Variants in CFAP61 observed in about 807,000 individuals in gnomAD.
CFAP61 encodes cilia- and flagella-associated protein 61.
A neutral mutation model predicts 135.6 loss-of-function variants in CFAP61; 107 were observed. The observed-to-expected ratio is 0.79, with a 90% CI of 0.67 to 0.93. The LOEUF (loss-of-function observed/expected upper bound fraction) is 0.93, where lower values mean the gene tolerates loss of function less well. Among genes scored for constraint, CFAP61 ranks in the 40% least tolerant of loss-of-function variants. CFAP61 has a pLI of 0.00. For missense variants in CFAP61, 1,507 were observed against 1,556.2 expected (o/e 0.97, Z 0.53); for synonymous variants, 575 against 578.5 (o/e 0.99, Z 0.09).
At chr20:20,183,868 G>A (rs2055301420) in intron 13 of CFAP61, among the ~76,000 whole-genome samples, 1 of 152,148 alleles carries the variant, frequency 6.6e-6, no homozygotes, top group East Asian at 1.9e-4. Context: ...CAAACATACA[G>A]CCATAGCCCG....
chr20:20,293,146 C>T (rs980735952), intron 24 of CFAP61, among the ~76,000 whole-genome samples: 3 of 152,212 alleles, frequency 2.0e-5, no homozygotes, highest in African/African-American at 7.2e-5. Flanking sequence ...ACATATTGGA[C>T]TTGGTTTCAG....
intron 8 of CFAP61, among the ~76,000 whole-genome samples, chr20:20,140,127 A>ATT (rs2051254164): frequency 4.3e-5 from 3 of 69,180 alleles, no homozygotes; most frequent in Non-Finnish European, 6.6e-5. Flanking sequence ...GGGTGCTGGA[A>ATT]ATTTTTTTTT....
At chr20:20,303,275 C>T (rs1256165030) in intron 25 of CFAP61, among the ~76,000 whole-genome samples, 1 of 152,108 alleles carries the variant, frequency 6.6e-6, no homozygotes, top group Non-Finnish European at 1.5e-5. Context: ...GAAACAGACT[C>T]GGTGAGTTTG....
chr20:20,287,664 G>A (rs1288273532), intron 22 of CFAP61, among the ~76,000 whole-genome samples: 1 of 152,186 alleles, frequency 6.6e-6, no homozygotes, highest in Non-Finnish European at 1.5e-5. Flanking sequence ...GAATGTGATG[G>A]AAGTGGGGAG....
chr20:20,288,727 T>C lies in CFAP61; in HGVS notation c.2915T>C (p.Ile972Thr), dbSNP rs1569246723. The C allele has an allele frequency of 1.9e-6, 3 of 1,613,914 alleles. No homozygotes were observed. The highest frequency in any genetic ancestry group is 2.5e-6 in the Non-Finnish European group (3 of 1,179,744). ...GATACCAACTTCCACACCAACGACA[T>C]AGCCATCAGAGCTGCTGGCTCCCTC... ...VIDTNFHTND[I>T]AIRAAGSLTK... The change falls in exon 23 of 27, where the codon ATA becomes ACA. Residue 972 changes from isoleucine to threonine, a missense_variant. By Grantham distance (89) the Ile-to-Thr change is moderately conservative. Transcript: ENST00000245957.
chr20:20,181,863 A>G (rs564097927), intron 13 of CFAP61, among the ~76,000 whole-genome samples: 1 of 152,326 alleles, frequency 6.6e-6, no homozygotes, highest in Non-Finnish European at 1.5e-5. Context: ...GAACAGGTAG[A>G]GGGAGGTGGG....
chr20:20,243,329 G>A (rs1168834921), intron 18 of CFAP61, among the ~76,000 whole-genome samples: 1 of 152,114 alleles, frequency 6.6e-6, no homozygotes, highest in African/African-American at 2.4e-5. Context: ...ATGAGATTTG[G>A]GTGGAGACAC....
At chr20:20,336,503 T>G (rs575309735) in intron 25 of CFAP61, among the ~76,000 whole-genome samples, 1 of 152,126 alleles carries the variant, frequency 6.6e-6, no homozygotes, top group Non-Finnish European at 1.5e-5. Context: ...TGTGCACCTA[T>G]AGTCCCAGCT....
chr20:20,155,860 G>A (rs531744049), intron 9 of CFAP61, among the ~76,000 whole-genome samples: 80 of 152,224 alleles, frequency 5.3e-4, no homozygotes, highest in Non-Finnish European at 7.6e-4. Flanking sequence ...AAACAGCATG[G>A]AGATTCCTTA....
At chr20:20,188,785 C>T (rs2055697068) in intron 14 of CFAP61, among the ~76,000 whole-genome samples, 1 of 152,144 alleles carries the variant, frequency 6.6e-6, no homozygotes, top group Admixed American at 6.5e-5. Context: ...TGATGGATTT[C>T]ACAATTTGCA....
At chr20:20,269,154 C>CACACACACACATACATATATGTATAT (rs2053089155) in intron 21 of CFAP61, among the ~76,000 whole-genome samples, 2 of 94,350 alleles carry the variant, frequency 2.1e-5, no homozygotes, top group African/African-American at 3.3e-5. Flanking sequence ...TATACACACA[C>CACACACACACATACATATATGTATAT]ACACACACAC....
intron 9 of CFAP61, among the ~76,000 whole-genome samples, chr20:20,156,281 C>T (rs2146788805): frequency 6.6e-6 from 1 of 152,012 alleles, no homozygotes; most frequent in East Asian, 1.9e-4. Flanking sequence ...TGTAATTCAC[C>T]ATTTTAACAA....
rs569703550 is a variant in CFAP61, at chr20:20,138,049, A to G, written c.860-4808A>G. Among the ~76,000 whole-genome samples the G allele has an allele frequency of 4.6e-5, 7 of 152,252 alleles. No homozygotes were observed. The South Asian group carries it at 1.5e-3, about 32-fold the overall frequency. ...CAGGGTGTGTCTAGGAATGTCATCC[A>G]GGAGCCAGGGCCTGGAATAGGGACC... On this transcript the variant is annotated intron_variant, in intron 8 of 26. Coordinates refer to ENST00000245957, the MANE Select transcript of CFAP61 (RefSeq NM_015585.4).
At chr20:20,205,171 T>TC (rs1249423589) in intron 17 of CFAP61, among the ~76,000 whole-genome samples, 3 of 152,342 alleles carry the variant, frequency 2.0e-5, no homozygotes, top group Middle Eastern at 3.4e-3. Context: ...TCCTAATTTT[T>TC]CGCTCTTAGA....
At chr20:20,302,908 A>G (rs541979918) in intron 25 of CFAP61, among the ~76,000 whole-genome samples, 1 of 152,320 alleles carries the variant, frequency 6.6e-6, no homozygotes, top group Non-Finnish European at 1.5e-5. Context: ...TTTTATGTGT[A>G]AGGATGTCTT....
In CFAP61 at chr20:20,166,082, T is replaced by C. The variant is rs7269822; in HGVS notation, c.1206-315T>C. 8.1e-3 allele frequency among the ~76,000 whole-genome samples: 1,241 copies of C among 152,340 alleles called. 16 individuals carry two copies. The highest frequency in any genetic ancestry group is 0.029 in the African/African-American group (1,185 of 41,570). ...CAGATCAGAAGCAACCTATAATATT[T>C]CCCACCTCTCCTCTTAACTCTTCCA... On this transcript the variant is annotated intron_variant, in intron 11 of 26. Coordinates refer to ENST00000245957, the MANE Select transcript of CFAP61 (RefSeq NM_015585.4).
At chr20:20,129,058 TC>T (rs2050300510) in intron 8 of CFAP61, among the ~76,000 whole-genome samples, 5 of 151,806 alleles carry the variant, frequency 3.3e-5, no homozygotes, top group Admixed American at 3.3e-4. Flanking sequence ...GACAGATTTT[TC>T]TTTTGGACTT....
At chr20:20,283,765 C>T (rs1358014912) in intron 22 of CFAP61, among the ~76,000 whole-genome samples, 1 of 152,256 alleles carries the variant, frequency 6.6e-6, no homozygotes, top group Non-Finnish European at 1.5e-5. Context: ...ACTCTCAGCT[C>T]CTAGAAGCCA....
intron 6 of CFAP61, among the ~76,000 whole-genome samples, chr20:20,090,271 C>T (rs1244162354): frequency 6.6e-6 from 1 of 152,176 alleles, no homozygotes; most frequent in Non-Finnish European, 1.5e-5. Flanking sequence ...CTCAGATGAC[C>T]CTCCTCATAG....
Sources: allele counts gnomAD v4.1 joint callset (sites outside exome capture counted in the v4.1 genomes callset), GRCh38; gene constraint gnomAD v4.1.1; transcripts MANE v1.5; gene names NCBI Gene and HGNC (gene_info 2026-07-23, HGNC 2026-07-21).